Variants in ZBTB20 observed in about 807,000 individuals in gnomAD.
ZBTB20 encodes the protein zinc finger and BTB domain containing 20.
ZBTB20 carries 9 observed loss-of-function variants against 56.9 expected under a neutral mutation model. That is an observed-to-expected ratio of 0.16 (90% CI 0.10 to 0.28). The LOEUF (loss-of-function observed/expected upper bound fraction) is 0.28, where lower values mean the gene tolerates loss of function less well. Among genes scored for constraint, ZBTB20 ranks in the 10% least tolerant of loss-of-function variants. The pLI is 1.00. For missense variants in ZBTB20, 655 were observed against 1,003.0 expected (o/e 0.65, Z 4.69); for synonymous variants, 417 against 420.7 (o/e 0.99, Z 0.11).
intron 5 of ZBTB20, among the ~76,000 whole-genome samples, chr3:114,772,940 G>A (rs977031823): frequency 6.6e-6 from 1 of 152,156 alleles, no homozygotes; most frequent in African/African-American, 2.4e-5. Flanking sequence ...TAAAAGCAGA[G>A]AACTTTTTTG....
At position 114,338,962 on chromosome 3, in the gene ZBTB20, T is replaced by G; in HGVS notation, c.*43A>C. The G allele has an allele frequency of 6.9e-7, 1 of 1,454,536 alleles. No homozygotes were observed. The highest frequency in any genetic ancestry group is 9.1e-7 in the Non-Finnish European group (1 of 1,097,076). The allele number at this position is 1,454,536 out of a possible 1,614,324, so 90.1% of individuals were successfully genotyped here. Reference sequence around the variant, plus strand: ...AGCTTTTTTGTTTGTTTGTTTTTTGTTGTTGTTTTGTTTTGTTCATAAGAA... The same window carrying G: ...AGCTTTTTTGTTTGTTTGTTTTTTGGTGTTGTTTTGTTTTGTTCATAAGAA... On this transcript the variant is annotated 3_prime_UTR_variant, in exon 12 of 12. Coordinates refer to ENST00000675478, the MANE Select transcript of ZBTB20 (RefSeq NM_001348800.3).
chr3:114,729,088 A>C (rs1674621276), intron 5 of ZBTB20, among the ~76,000 whole-genome samples: 1 of 152,150 alleles, frequency 6.6e-6, no homozygotes, highest in Admixed American at 6.6e-5. Flanking sequence ...AAAAATAAAA[A>C]ATAAAAAAAC....
intron 4 of ZBTB20, among the ~76,000 whole-genome samples, chr3:114,854,469 C>T (rs2075147703): frequency 6.6e-6 from 1 of 152,130 alleles, no homozygotes; most frequent in Admixed American, 6.6e-5. Context: ...GTTTTCCCGC[C>T]TCCTCTTCTC....
At chr3:114,664,089 T>C (rs2060906875) in intron 6 of ZBTB20, among the ~76,000 whole-genome samples, 1 of 152,056 alleles carries the variant, frequency 6.6e-6, no homozygotes, top group South Asian at 2.1e-4. Flanking sequence ...CTTCTAAATC[T>C]AAAGTAAATG....
chr3:115,002,420 A>C (rs2079289982), intron 2 of ZBTB20, among the ~76,000 whole-genome samples: 1 of 151,624 alleles, frequency 6.6e-6, no homozygotes, highest in Non-Finnish European at 1.5e-5. Context: ...GACAAATCAC[A>C]GACTAGAAGA....
chr3:114,532,588 G>A (rs1297245763), intron 6 of ZBTB20, among the ~76,000 whole-genome samples: 1 of 152,208 alleles, frequency 6.6e-6, no homozygotes, highest in Non-Finnish European at 1.5e-5. Flanking sequence ...GTTCCCACCT[G>A]CCAGCTCTGA....
At chr3:114,790,838 A>G (rs1298545507) in intron 5 of ZBTB20, among the ~76,000 whole-genome samples, 1 of 152,042 alleles carries the variant, frequency 6.6e-6, no homozygotes. Context: ...ATGCTTTTAA[A>G]GCAACTATTT....
rs2079556737 is a variant in ZBTB20, at chr3:114,338,890, C to G, written c.*115G>C. 1.6e-6 allele frequency: 2 copies of G among 1,282,140 alleles called. No individual in the cohort carries two copies. Among genetic ancestry groups the G allele is most frequent in the Non-Finnish European group, 1.0e-6 (1 of 955,554 alleles). The allele number at this position is 1,282,140 out of a possible 1,614,324, so 79.4% of individuals were successfully genotyped here. On this transcript the variant is annotated 3_prime_UTR_variant, in exon 12 of 12. Transcript: ENST00000675478. ...AAATGAAACGAAACAAAAACAAAAACAGAAAGTAAAAATGAAACCAAAACA... is the reference window on the plus strand; with the variant it reads ...AAATGAAACGAAACAAAAACAAAAAGAGAAAGTAAAAATGAAACCAAAACA...
intron 2 of ZBTB20, among the ~76,000 whole-genome samples, chr3:115,031,173 G>C (rs897517429): frequency 6.6e-6 from 1 of 151,286 alleles, no homozygotes; most frequent in Non-Finnish European, 1.5e-5. Flanking sequence ...GAACAGCTTC[G>C]GCTGTGCTGC....
intron 7 of ZBTB20, among the ~76,000 whole-genome samples, chr3:114,418,235 T>C (rs2088782477): frequency 6.6e-6 from 1 of 152,094 alleles, no homozygotes; most frequent in Admixed American, 6.6e-5. Flanking sequence ...GCATTCCTGA[T>C]GCCCTTTGAA....
At chr3:114,607,405 C>T (rs547647306) in intron 6 of ZBTB20, among the ~76,000 whole-genome samples, 15 of 151,030 alleles carry the variant, frequency 9.9e-5, no homozygotes, top group South Asian at 6.3e-4. Flanking sequence ...TGGGTTCAAG[C>T]GATTCTCCTG....
At chr3:115,127,382 G>C (rs1252093221) in intron 1 of ZBTB20, among the ~76,000 whole-genome samples, 1 of 152,188 alleles carries the variant, frequency 6.6e-6, no homozygotes, top group Non-Finnish European at 1.5e-5. Context: ...TTGAGGTTAA[G>C]AGTTCAAGAA....
chr3:114,943,514 A>G lies in ZBTB20; in HGVS notation c.-456+30852T>C, dbSNP rs1303427444. Among the ~76,000 whole-genome samples the G allele has an allele frequency of 2.7e-5, 4 of 145,604 alleles. 2 individuals are homozygous for G. The highest frequency in any genetic ancestry group is 1.1e-4 in the African/African-American group (4 of 35,824). Reference sequence around the variant, plus strand: ...TCAGAGGTAAAGGAAAAGAGTGAGAATAATCAGAGAACTGGGATTTATATT... The same window carrying G: ...TCAGAGGTAAAGGAAAAGAGTGAGAGTAATCAGAGAACTGGGATTTATATT... On this transcript the variant is annotated intron_variant, in intron 3 of 11. Coordinates refer to ENST00000675478, the MANE Select transcript of ZBTB20 (RefSeq NM_001348800.3).
chr3:115,129,366 C>T (rs753649995), intron 1 of ZBTB20, among the ~76,000 whole-genome samples: 1 of 152,104 alleles, frequency 6.6e-6, no homozygotes, highest in Non-Finnish European at 1.5e-5. Context: ...TAGTACCATA[C>T]GGTACAGACT....
intron 6 of ZBTB20, among the ~76,000 whole-genome samples, chr3:114,652,579 T>C (rs1402485871): frequency 3.3e-5 from 5 of 152,070 alleles, no homozygotes; most frequent in Admixed American, 6.6e-5. Context: ...ACTGATCCAA[T>C]GTTCCAAAGT....
chr3:114,640,029 A>C (rs1474115941), intron 6 of ZBTB20, among the ~76,000 whole-genome samples: 1 of 152,042 alleles, frequency 6.6e-6, no homozygotes, highest in Non-Finnish European at 1.5e-5. Context: ...TTTATCAATT[A>C]CTAACTTGAG....
chr3:114,737,521 A>T (rs1224711129), intron 5 of ZBTB20, among the ~76,000 whole-genome samples: 1 of 152,192 alleles, frequency 6.6e-6, no homozygotes, highest in Non-Finnish European at 1.5e-5. Context: ...TAAAATGAAA[A>T]TACAACTAAA....
chr3:114,414,692 G>A (rs4682539), intron 7 of ZBTB20, among the ~76,000 whole-genome samples: 95,241 of 147,324 alleles, frequency 0.65, 34,883 homozygotes, highest in East Asian at 0.91. Flanking sequence ...ATGAAACAAC[G>A]AATACATAAA....
chr3:114,693,590 G>A lies in ZBTB20; in HGVS notation c.-342-15C>T, dbSNP rs548945916. 5.3e-5 allele frequency: 8 copies of A among 152,180 alleles called. No homozygotes were observed. The highest frequency in any genetic ancestry group is 1.9e-4 in the African/African-American group (8 of 41,542). The allele number at this position is 152,180 out of a possible 1,614,324, so 9.4% of individuals were successfully genotyped here. On this transcript the variant is annotated splice_polypyrimidine_tract_variant and intron_variant, in intron 5 of 11. Coordinates refer to ENST00000675478, the MANE Select transcript of ZBTB20 (RefSeq NM_001348800.3). Reference sequence around the variant, plus strand: ...GATGAAACATTCTGAAATAAAAAGAGTACAGGTAAGTGCTAGGTATTTATT... The same window carrying A: ...GATGAAACATTCTGAAATAAAAAGAATACAGGTAAGTGCTAGGTATTTATT...
Sources: gnomAD v4.1 joint callset for allele counts (sites outside exome capture counted in the v4.1 genomes callset) on GRCh38, gnomAD v4.1.1 for gene constraint, MANE v1.5 for transcripts, NCBI Gene and HGNC (gene_info 2026-07-23, HGNC 2026-07-21) for gene names.